CHN2: variants seen among roughly 807,000 people sequenced by gnomAD.
The protein encoded by CHN2 is chimerin 2, also known as beta-chimaerin.
CHN2 carries 35 observed loss-of-function variants against 56.3 expected under a neutral mutation model. The ratio of observed to expected loss-of-function variants is 0.62; its 90% CI spans 0.47 to 0.82. CHN2 has a LOEUF of 0.82. CHN2 is among the 40% of genes least tolerant of loss of function. The pLI is 0.00. For missense variants in CHN2, 491 were observed against 580.5 expected, an observed-to-expected ratio of 0.85 and a Z score of 1.58; for synonymous variants, 210 against 212.8, an observed-to-expected ratio of 0.99 and a Z score of 0.12.
chr7:29,414,338 G>A (rs948741973), intron 6 of CHN2, among the ~76,000 whole-genome samples: 3 of 152,168 alleles, frequency 2.0e-5, no homozygotes, highest in Non-Finnish European at 2.9e-5. Flanking sequence ...TTCCCCTCCA[G>A]TAAGTTCGGT....
chr7:29,195,637 TGTG>T, intron 1 of CHN2, among the ~76,000 whole-genome samples: 1 of 109,884 alleles, frequency 9.1e-6, no homozygotes, highest in Admixed American at 9.1e-5. Flanking sequence ...AGAGTGTGTG[TGTG>T]TGTGTGTGTG....
At chr7:29,253,479 G>A (rs39099) in intron 1 of CHN2, among the ~76,000 whole-genome samples, 40,417 of 152,106 alleles carry the variant, frequency 0.27, 6,287 homozygotes, top group Admixed American at 0.34. Flanking sequence ...GTTTTTAGCT[G>A]GATTCAGTGG....
chr7:29,468,214 A>AAGG (rs991857145), intron 6 of CHN2, among the ~76,000 whole-genome samples: 17 of 145,236 alleles, frequency 1.2e-4, no homozygotes, highest in Non-Finnish European at 2.2e-4. Flanking sequence ...CTTCCACCAA[A>AAGG]AGGATGTACA....
chr7:29,372,206 TA>T (rs199674072), intron 3 of CHN2, among the ~76,000 whole-genome samples: 1 of 150,064 alleles, frequency 6.7e-6, no homozygotes, highest in Non-Finnish European at 1.5e-5. Context: ...TCCCATTCAT[TA>T]AAAAAAAAGA....
At chr7:29,230,205 T>A (rs1786562502) in intron 1 of CHN2, among the ~76,000 whole-genome samples, 1 of 152,214 alleles carries the variant, frequency 6.6e-6, no homozygotes, top group East Asian at 1.9e-4. Flanking sequence ...TTTTCTGGAA[T>A]GCTTGTATTT....
chr7:29,434,121 G>A (rs965504893), intron 6 of CHN2, among the ~76,000 whole-genome samples: 3 of 152,044 alleles, frequency 2.0e-5, no homozygotes, highest in African/African-American at 7.2e-5. Flanking sequence ...TAGGTGGTGG[G>A]GGTTTTGAAC....
chr7:29,409,907 G>A (rs1280848110), intron 6 of CHN2, among the ~76,000 whole-genome samples: 1 of 152,138 alleles, frequency 6.6e-6, no homozygotes, highest in African/African-American at 2.4e-5. Context: ...ACCTTTGACT[G>A]CAGGAGGTAA....
chr7:29,474,360 C>T (rs1321768101), intron 6 of CHN2, among the ~76,000 whole-genome samples: 3 of 152,128 alleles, frequency 2.0e-5, no homozygotes, highest in African/African-American at 7.2e-5. Context: ...TATATCTATC[C>T]ATCTATCTAG....
intron 6 of CHN2, among the ~76,000 whole-genome samples, chr7:29,476,619 T>TAAGCA (rs1786620776): frequency 6.6e-6 from 1 of 152,030 alleles, no homozygotes; most frequent in Admixed American, 6.6e-5. Flanking sequence ...TGGCACATAG[T>TAAGCA]AAGCATGATA....
chr7:29,284,083 T>A (rs577526654), intron 1 of CHN2, among the ~76,000 whole-genome samples: 8 of 151,700 alleles, frequency 5.3e-5, no homozygotes, highest in Non-Finnish European at 1.2e-4. Context: ...CTAGCTAATT[T>A]TTGTATTTTT....
At chr7:29,172,841 A>G (rs1796779631) in intron 2 of CHN2, among the ~76,000 whole-genome samples, 1 of 151,958 alleles carries the variant, frequency 6.6e-6, no homozygotes, top group Non-Finnish European at 1.5e-5. Context: ...CTTTTCTGCC[A>G]CTTAAAAATG....
intron 1 of CHN2, among the ~76,000 whole-genome samples, chr7:29,203,605 T>C (rs927733197): frequency 1.3e-5 from 2 of 152,326 alleles, no homozygotes; most frequent in Admixed American, 1.3e-4. Context: ...GCTTACATTA[T>C]ATTTGTATTG....
chr7:29,510,003 T>C (rs2128598014), intron 12 of CHN2, among the ~76,000 whole-genome samples: 1 of 152,228 alleles, frequency 6.6e-6, no homozygotes, highest in South Asian at 2.1e-4. Flanking sequence ...TGCCTCCGTG[T>C]CTGCATCTTC....
At chr7:29,297,413 T>TG (rs139936888) in intron 1 of CHN2, among the ~76,000 whole-genome samples, 13,070 of 152,152 alleles carry the variant, frequency 0.086, 758 homozygotes, top group East Asian at 0.21. Context: ...GGCGCTGTTT[T>TG]GGGGAAACGG....
At chr7:29,186,312 G>C (rs144280989) in intron 2 of CHN2, 41 of 152,292 alleles carry the variant, frequency 2.7e-4, no homozygotes, top group African/African-American at 9.4e-4. Context: ...TAGGCCATGC[G>C]TGTTGGCTCA....
chr7:29,213,240 A>T, intron 1 of CHN2: 1 of 1,046,486 alleles, frequency 9.6e-7, no homozygotes, highest in Non-Finnish European at 1.5e-6. Context: ...GATATTACTC[A>T]GTTTCACTCT....
At chr7:29,290,819 TGA>T (rs887120125) in intron 1 of CHN2, among the ~76,000 whole-genome samples, 10 of 152,110 alleles carry the variant, frequency 6.6e-5, no homozygotes, top group Non-Finnish European at 1.3e-4. Flanking sequence ...TAAGGCACAG[TGA>T]GAGACCAATG....
At chr7:29,244,559 C>T (rs1386936612) in intron 1 of CHN2, among the ~76,000 whole-genome samples, 1 of 152,188 alleles carries the variant, frequency 6.6e-6, no homozygotes, top group South Asian at 2.1e-4. Context: ...ACCTGCACCA[C>T]CAGGAAGGAG....
chr7:29,334,049 C>CTCTTTTTTT (rs1796423435), intron 1 of CHN2, among the ~76,000 whole-genome samples: 1 of 123,138 alleles, frequency 8.1e-6, no homozygotes, highest in Admixed American at 8.7e-5. Context: ...AATTTCTTTT[C>CTCTTTTTTT]TTTTTTTTTT....
Sources: gnomAD v4.1 joint callset for allele counts (sites outside exome capture counted in the v4.1 genomes callset) on GRCh38, gnomAD v4.1.1 for gene constraint, MANE v1.5 for transcripts, NCBI Gene and HGNC (gene_info 2026-07-23, HGNC 2026-07-21) for gene names.